The following SHISA6 variants were observed in gnomAD, a reference collection of about 807,000 sequenced individuals.
SHISA6 encodes the protein protein shisa-6.
A neutral mutation model predicts 47.9 loss-of-function variants in SHISA6; 22 were observed. The observed-to-expected ratio is 0.46, with a 90% CI of 0.33 to 0.66. SHISA6 has a LOEUF of 0.66. Among genes scored for constraint, SHISA6 ranks in the 30% least tolerant of loss-of-function variants. The pLI, the probability that SHISA6 is intolerant of heterozygous loss-of-function variation, is 0.02. For missense variants in SHISA6, 680 were observed against 764.6 expected (o/e 0.89, Z 1.30); for synonymous variants, 388 against 337.8 (o/e 1.15, Z -1.63).
At chr17:11,451,042 G>A (rs1251509282) in intron 3 of SHISA6, among the ~76,000 whole-genome samples, 1 of 150,964 alleles carries the variant, frequency 6.6e-6, no homozygotes, top group African/African-American at 2.4e-5. Flanking sequence ...CCATGATGAG[G>A]CTCACTATGT....
chr17:11,447,058 G>A (rs2142302050), intron 3 of SHISA6, among the ~76,000 whole-genome samples: 1 of 152,188 alleles, frequency 6.6e-6, no homozygotes, highest in Non-Finnish European at 1.5e-5. Context: ...CTCAGAGCAG[G>A]CATCTTCTTG....
chr17:11,396,579 G>A (rs984546228), intron 3 of SHISA6, among the ~76,000 whole-genome samples: 3 of 152,152 alleles, frequency 2.0e-5, no homozygotes, highest in African/African-American at 4.8e-5. Context: ...CTTCCACGAC[G>A]GTTGAACTAA....
At position 11,336,863 on chromosome 17, in the gene SHISA6, G is replaced by T. The variant is rs531076089; in HGVS notation, c.800-42551G>T. On this transcript the variant is annotated intron_variant, in intron 2 of 5. Transcript: ENST00000441885. Reference sequence around the variant, plus strand: ...CCAGAAAGTCATTAAGCAGACCTGTGTGGGAGCTGCCCCAGCGTCCGAAAA... The same window carrying T: ...CCAGAAAGTCATTAAGCAGACCTGTTTGGGAGCTGCCCCAGCGTCCGAAAA... Among the ~76,000 whole-genome samples, 3 of 152,318 alleles carry T rather than the reference G, an allele frequency of 2.0e-5. No individual in the cohort carries two copies. In the East Asian group the frequency reaches 5.8e-4, roughly 29 times the overall value.
intron 3 of SHISA6, among the ~76,000 whole-genome samples, chr17:11,541,551 C>A (rs1168713698): frequency 1.3e-5 from 2 of 152,176 alleles, no homozygotes; most frequent in Non-Finnish European, 2.9e-5. Context: ...GGCAAAGGAA[C>A]TTTAGAACCT....
intron 3 of SHISA6, among the ~76,000 whole-genome samples, chr17:11,542,622 G>A (rs2071843658): frequency 6.6e-6 from 1 of 151,968 alleles, no homozygotes; most frequent in Admixed American, 6.6e-5. Context: ...GATGAAATAG[G>A]TTCTAAAATT....
At chr17:11,445,241 G>A (rs1426088121) in intron 3 of SHISA6, among the ~76,000 whole-genome samples, 2 of 151,952 alleles carry the variant, frequency 1.3e-5, no homozygotes, top group Non-Finnish European at 2.9e-5. Context: ...ATTTATGAGG[G>A]ATCTACCCTC....
At chr17:11,468,721 T>G (rs1396454902) in intron 3 of SHISA6, among the ~76,000 whole-genome samples, 1 of 152,108 alleles carries the variant, frequency 6.6e-6, no homozygotes, top group East Asian at 1.9e-4. Flanking sequence ...ACCATTTCCT[T>G]AGAAGATAAG....
intron 2 of SHISA6, among the ~76,000 whole-genome samples, chr17:11,285,316 G>A (rs1909257237): frequency 6.6e-6 from 1 of 152,166 alleles, no homozygotes; most frequent in Non-Finnish European, 1.5e-5. Context: ...TGGAGGTGTT[G>A]CATGATTTTT....
At chr17:11,482,720 T>C (rs1488707597) in intron 3 of SHISA6, among the ~76,000 whole-genome samples, 4 of 152,130 alleles carry the variant, frequency 2.6e-5, no homozygotes, top group Non-Finnish European at 5.9e-5. Context: ...ATAATTAGAA[T>C]TGATCAATAT....
At chr17:11,371,181 G>A (rs1174234842) in intron 2 of SHISA6, among the ~76,000 whole-genome samples, 1 of 152,160 alleles carries the variant, frequency 6.6e-6, no homozygotes, top group Non-Finnish European at 1.5e-5. Context: ...GTTTACCTCG[G>A]TAAGAGCAAG....
intron 2 of SHISA6, among the ~76,000 whole-genome samples, chr17:11,324,823 A>C (rs146666177): frequency 6.6e-6 from 1 of 152,098 alleles, no homozygotes; most frequent in South Asian, 2.1e-4. Context: ...TTAGTGCACA[A>C]TTAGGAAGCT....
intron 3 of SHISA6, among the ~76,000 whole-genome samples, chr17:11,433,532 A>C (rs1252560691): frequency 6.6e-6 from 1 of 151,510 alleles, no homozygotes; most frequent in African/African-American, 2.4e-5. Flanking sequence ...GAACAGTGCC[A>C]TAATAAACAT....
chr17:11,253,271 G>A (rs1018525551), intron 1 of SHISA6, among the ~76,000 whole-genome samples: 3 of 150,170 alleles, frequency 2.0e-5, no homozygotes, highest in Non-Finnish European at 4.4e-5. Flanking sequence ...CGATTTAGAT[G>A]CCACTAATTC....
At chr17:11,256,692 G>A (rs954210937) in intron 1 of SHISA6, among the ~76,000 whole-genome samples, 18 of 152,048 alleles carry the variant, frequency 1.2e-4, no homozygotes, top group African/African-American at 4.3e-4. Flanking sequence ...ACACATCCAC[G>A]TTTTCAACGA....
intron 3 of SHISA6, among the ~76,000 whole-genome samples, chr17:11,461,145 C>T (rs1373513371): frequency 6.6e-6 from 1 of 152,118 alleles, no homozygotes. Context: ...CGCCTGTAAT[C>T]CCAGCACTTC....
intron 2 of SHISA6, among the ~76,000 whole-genome samples, chr17:11,344,084 T>C (rs1214006162): frequency 6.6e-6 from 1 of 152,198 alleles, no homozygotes; most frequent in Non-Finnish European, 1.5e-5. Context: ...CTAATGACAT[T>C]AGGCATCTCT....
chr17:11,382,937 T>G lies in SHISA6; in HGVS notation c.895+3428T>G, dbSNP rs902555926. ...CATCAGTCCTGTCAGCCTTTTTTTT[T>G]TTTTTTTTTTTTTTTTTGAGACGGA... On this transcript the variant is annotated intron_variant, in intron 3 of 5. Coordinates refer to ENST00000441885, the MANE Select transcript of SHISA6 (RefSeq NM_207386.4). Among the ~76,000 whole-genome samples the G allele has an allele frequency of 3.1e-4, 44 of 140,156 alleles. 2 individuals are homozygous for G. Among genetic ancestry groups the G allele is most frequent in the African/African-American group, 1.1e-3 (42 of 37,420 alleles). 91.9% of individuals were successfully genotyped at this position (140,156 alleles called of 152,430 possible).
chr17:11,488,569 C>A (rs1184254386), intron 3 of SHISA6, among the ~76,000 whole-genome samples: 1 of 152,166 alleles, frequency 6.6e-6, no homozygotes, highest in Non-Finnish European at 1.5e-5. Flanking sequence ...GGGCTTCAGG[C>A]ATGGTTAGAT....
chr17:11,274,909 G>A (rs551181921), intron 2 of SHISA6, among the ~76,000 whole-genome samples: 2 of 152,160 alleles, frequency 1.3e-5, no homozygotes, highest in Non-Finnish European at 2.9e-5. Flanking sequence ...AGATTGAATG[G>A]GCGAGGAGGA....
Sources: allele counts gnomAD v4.1 joint callset (sites outside exome capture counted in the v4.1 genomes callset), GRCh38; gene constraint gnomAD v4.1.1; transcripts MANE v1.5; gene names NCBI Gene and HGNC (gene_info 2026-07-23, HGNC 2026-07-21).